CDRT4: variants seen among roughly 807,000 people sequenced by gnomAD.
The protein encoded by CDRT4 is CMT1A duplicated region transcript 4.
For missense variants in CDRT4, 167 were observed against 193.1 expected (o/e 0.87, Z 0.80); for synonymous variants, 64 against 69.6 (o/e 0.92, Z 0.40).
chr17:15,457,130 T>C (rs1412402529), intron 1 of CDRT4, among the ~76,000 whole-genome samples: 1 of 152,128 alleles, frequency 6.6e-6, no homozygotes, highest in Non-Finnish European at 1.5e-5. Flanking sequence ...TGAGGTCTGC[T>C]GCACCCTGTC....
At chr17:15,465,101 A>C (rs1979947590) in intron 1 of CDRT4, among the ~76,000 whole-genome samples, 1 of 145,666 alleles carries the variant, frequency 6.9e-6, no homozygotes, top group African/African-American at 2.6e-5. Context: ...CAACACAGAC[A>C]CACACCAACA....
At chr17:15,455,856 T>G (rs1245011854) in intron 1 of CDRT4, among the ~76,000 whole-genome samples, 1 of 152,236 alleles carries the variant, frequency 6.6e-6, no homozygotes, top group South Asian at 2.1e-4. Flanking sequence ...AAATCATGAC[T>G]GTAGCCTCAT....
intron 1 of CDRT4, among the ~76,000 whole-genome samples, chr17:15,467,089 T>TTG (rs906046702): frequency 1.3e-5 from 2 of 152,022 alleles, no homozygotes; most frequent in African/African-American, 2.4e-5. Context: ...GGGGTATATT[T>TTG]TGTGTGTGTG....
intron 2 of CDRT4, among the ~76,000 whole-genome samples, chr17:15,446,704 A>C (rs1326780875): frequency 6.6e-6 from 1 of 152,050 alleles, no homozygotes; most frequent in Non-Finnish European, 1.5e-5. Context: ...GCTGTCTCTA[A>C]CCACATCAGG....
intron 1 of CDRT4, among the ~76,000 whole-genome samples, chr17:15,465,751 C>T (rs921448480): frequency 6.6e-6 from 1 of 152,226 alleles, no homozygotes; most frequent in Non-Finnish European, 1.5e-5. Flanking sequence ...GACACGCATG[C>T]TAACGCCTTC....
chr17:15,441,177 T>C (rs1459376586), intron 2 of CDRT4, among the ~76,000 whole-genome samples: 4 of 152,296 alleles, frequency 2.6e-5, no homozygotes, highest in East Asian at 1.9e-4. Context: ...CAAAAGCCCA[T>C]TGAGAAAGAG....
intron 1 of CDRT4, among the ~76,000 whole-genome samples, chr17:15,460,241 A>G (rs1979688259): frequency 6.6e-6 from 1 of 151,730 alleles, no homozygotes; most frequent in Non-Finnish European, 1.5e-5. Flanking sequence ...GTTAACCAGC[A>G]CCCCTAATGA....
intron 2 of CDRT4, among the ~76,000 whole-genome samples, chr17:15,444,650 G>A (rs767923636): frequency 1.1e-4 from 16 of 151,886 alleles, no homozygotes; most frequent in African/African-American, 1.9e-4. Context: ...CCAGGAGTTC[G>A]AGGCCAGTCT....
At chr17:15,448,607 C>T (rs758357550) in intron 2 of CDRT4, among the ~76,000 whole-genome samples, 8 of 152,210 alleles carry the variant, frequency 5.3e-5, no homozygotes, top group African/African-American at 9.6e-5. Flanking sequence ...CATCAGGAGA[C>T]GCGCTCTCTC....
intron 1 of CDRT4, among the ~76,000 whole-genome samples, chr17:15,461,149 AT>A (rs1567614480): frequency 6.6e-6 from 1 of 152,070 alleles, no homozygotes; most frequent in Non-Finnish European, 1.5e-5. Context: ...ATTATTTTAC[AT>A]TTGTTTGTTT....
chr17:15,444,054 G>T (rs1978902972), intron 2 of CDRT4: 3 of 929,218 alleles, frequency 3.2e-6, no homozygotes, highest in Middle Eastern at 3.3e-4. Context: ...GAAAGATGAA[G>T]GAAACAACAT....
chr17:15,438,099 C>T lies in CDRT4; in HGVS notation c.133G>A (p.Glu45Lys). Residue 45 changes from glutamate to lysine, a missense_variant, in exon 4 of 4, where the codon GAG becomes AAG. Physicochemically the swap from Glu to Lys is moderately conservative, Grantham distance 56. Transcript: ENST00000619038. ...YTSQTVKRLI[E>K]KSKTRELECM... ...TCCAGTTCTCTAGTTTTGCTTTTCTCAATGAGTCTTTTCACTGTCTGAGAG... is the reference window on the plus strand; with the variant it reads ...TCCAGTTCTCTAGTTTTGCTTTTCTTAATGAGTCTTTTCACTGTCTGAGAG... 2 of 1,614,170 alleles carry T rather than the reference C, an allele frequency of 1.2e-6. No individual in the cohort carries two copies.
intron 1 of CDRT4, among the ~76,000 whole-genome samples, chr17:15,466,524 T>C (rs909481634): frequency 6.6e-6 from 1 of 152,198 alleles, no homozygotes; most frequent in Non-Finnish European, 1.5e-5. Context: ...TCTAAATTAC[T>C]TTTTTTAATT....
intron 1 of CDRT4, among the ~76,000 whole-genome samples, chr17:15,467,226 T>C (rs1334158844): frequency 1.3e-5 from 2 of 152,172 alleles, no homozygotes; most frequent in African/African-American, 2.4e-5. Flanking sequence ...TGGGACGAGC[T>C]TGTTGGCAAG....
chr17:15,461,575 T>C (rs1031092692), intron 1 of CDRT4, among the ~76,000 whole-genome samples: 3 of 152,200 alleles, frequency 2.0e-5, no homozygotes, highest in African/African-American at 7.2e-5. Flanking sequence ...GCCCAGAGTT[T>C]CTAATTCTGG....
At chr17:15,465,515 CAG>C (rs751122897) in intron 1 of CDRT4, among the ~76,000 whole-genome samples, 13 of 151,484 alleles carry the variant, frequency 8.6e-5, no homozygotes, top group Non-Finnish European at 1.6e-4. Context: ...ACACACAACA[CAG>C]ACCCACACCA....
intron 2 of CDRT4, among the ~76,000 whole-genome samples, chr17:15,447,781 C>G (rs533620793): frequency 6.6e-6 from 1 of 152,276 alleles, no homozygotes; most frequent in African/African-American, 2.4e-5. Context: ...ATTTCCAGAA[C>G]TAGCCAAGCA....
chr17:15,457,731 C>G (rs1368972041), intron 1 of CDRT4, among the ~76,000 whole-genome samples: 1 of 152,214 alleles, frequency 6.6e-6, no homozygotes, highest in Non-Finnish European at 1.5e-5. Flanking sequence ...AAAAAGCCCC[C>G]CTGAGCTGCT....
intron 1 of CDRT4, among the ~76,000 whole-genome samples, chr17:15,467,253 G>C (rs998112470): frequency 6.6e-6 from 1 of 152,164 alleles, no homozygotes; most frequent in East Asian, 1.9e-4. Flanking sequence ...GCATCAGTAC[G>C]TTTTACAAAG....
Sources: allele counts gnomAD v4.1 joint callset (sites outside exome capture counted in the v4.1 genomes callset), GRCh38; gene constraint gnomAD v4.1.1; transcripts MANE v1.5; gene names NCBI Gene and HGNC (gene_info 2026-07-23, HGNC 2026-07-21).